The following PRORP variants were observed in gnomAD, a reference collection of about 807,000 sequenced individuals.
The protein encoded by PRORP is protein only RNase P catalytic subunit.
Under a neutral mutation model 59.4 loss-of-function variants are expected in PRORP, and 51 were observed. The ratio of observed to expected loss-of-function variants is 0.86; its 90% CI spans 0.69 to 1.08. PRORP has a LOEUF of 1.08. Ranked by LOEUF, PRORP falls within the 50% of genes least tolerant of loss-of-function variation. The probability of loss-of-function intolerance (pLI) is 0.00; values close to 1 mark genes in which losing one functional copy is unlikely to be tolerated. For synonymous variants in PRORP, 231 were observed against 245.6 expected, an observed-to-expected ratio of 0.94 and a Z score of 0.55; for missense variants, 646 against 690.3, an observed-to-expected ratio of 0.94 and a Z score of 0.72.
rs1555317890 is a variant in PRORP at position 35,123,256 on chromosome 14, A to G, written c.11A>G (p.Tyr4Cys). Residue 4 changes from tyrosine (Y) to cysteine (C), a missense_variant, in exon 2 of 8, where the codon TAT (tyrosine) becomes TGT (cysteine). Physicochemically the swap from Tyr to Cys is radical, Grantham distance 194. Coordinates refer to ENST00000534898, the MANE Select transcript of PRORP (RefSeq NM_014672.4). Reference protein sequence around the residue: MTFYLFGIRSFPKL... With the variant: MTFCLFGIRSFPKL... Reference sequence around the variant, plus strand: ...TGATCTCACTGCATAATGACTTTCTATTTGTTTGGTATTCGAAGCTTTCCG... The same window carrying G: ...TGATCTCACTGCATAATGACTTTCTGTTTGTTTGGTATTCGAAGCTTTCCG... The G allele has an allele frequency of 1.2e-6, 2 of 1,608,436 alleles. No individual in the cohort carries two copies. The highest frequency in any genetic ancestry group is 8.5e-7 in the Non-Finnish European group (1 of 1,177,934).
chr14:35,225,135 G>T (rs1378294311), intron 5 of PRORP, among the ~76,000 whole-genome samples: 1 of 151,816 alleles, frequency 6.6e-6, no homozygotes, highest in East Asian at 1.9e-4. Flanking sequence ...AATCTTTATT[G>T]TTTCAAGAGG....
intron 5 of PRORP, among the ~76,000 whole-genome samples, chr14:35,194,164 T>C (rs985955282): frequency 1.2e-4 from 19 of 152,154 alleles, no homozygotes; most frequent in African/African-American, 4.6e-4. Flanking sequence ...AAAAAGTCCT[T>C]CACTTCCCTT....
chr14:35,260,863 A>G (rs896090834), intron 5 of PRORP, among the ~76,000 whole-genome samples: 1 of 152,176 alleles, frequency 6.6e-6, no homozygotes, highest in Non-Finnish European at 1.5e-5. Flanking sequence ...TGCACTCAAT[A>G]AAGATCCTCC....
At chr14:35,134,395 G>T (rs2047323985) in intron 4 of PRORP, among the ~76,000 whole-genome samples, 1 of 152,114 alleles carries the variant, frequency 6.6e-6, no homozygotes, top group African/African-American at 2.4e-5. Flanking sequence ...CTCTGGCTGA[G>T]GTGGTACCTG....
chr14:35,188,605 G>T (rs2048802666), intron 5 of PRORP, among the ~76,000 whole-genome samples: 2 of 151,666 alleles, frequency 1.3e-5, no homozygotes, highest in South Asian at 4.2e-4. Context: ...ATCCTTTGAG[G>T]CATGGAAGTT....
At position 35,180,285 on chromosome 14, in the gene PRORP, G is replaced by A. The variant is rs1054554166; in HGVS notation, c.1168-385G>A. On this transcript the variant is annotated intron_variant, in intron 4 of 7. Transcript: ENST00000534898. ...ATCACCCATCTTCCGCATCGCTCAC[G>A]CTGGGAGCCGTGGACTGGAGCTGTT... Among the ~76,000 whole-genome samples the A allele has an allele frequency of 2.0e-5, 3 of 152,180 alleles. No individual in the cohort carries two copies. In the South Asian group the frequency reaches 6.2e-4, roughly 31 times the overall value.
chr14:35,145,835 T>TTTATTTA (rs1161295034), intron 4 of PRORP, among the ~76,000 whole-genome samples: 50,103 of 132,980 alleles, frequency 0.38, 13,866 homozygotes, highest in East Asian at 0.47. Context: ...TTATTTATTT[T>TTTATTTA]TTTATTTTTT....
intron 5 of PRORP, among the ~76,000 whole-genome samples, chr14:35,212,086 A>G (rs77078783): frequency 3.6e-4 from 55 of 152,344 alleles, no homozygotes; most frequent in African/African-American, 1.1e-3. Context: ...TTGTTTCTCC[A>G]TAACAAGCAA....
In PRORP at chr14:35,194,698, T is replaced by A. The variant is rs372291864; in HGVS notation, c.1275+13921T>A. Among the ~76,000 whole-genome samples, 792 of 152,182 alleles carry A rather than the reference T, an allele frequency of 5.2e-3. 2 individuals are homozygous for A. Among genetic ancestry groups the A allele is most frequent in the Non-Finnish European group, 8.1e-3 (548 of 68,006 alleles). On this transcript the variant is annotated intron_variant, in intron 5 of 7. Transcript: ENST00000534898. ...AAAGTATAATTAATTAATTTTTTTT[T>A]AAAAAGTCAAAAAGTGCAACCTTCT...
intron 5 of PRORP, among the ~76,000 whole-genome samples, chr14:35,183,509 A>G (rs779250566): frequency 6.6e-6 from 1 of 152,148 alleles, no homozygotes; most frequent in Non-Finnish European, 1.5e-5. Flanking sequence ...TAGACAAATG[A>G]GGCTTTCCAT....
intron 6 of PRORP, among the ~76,000 whole-genome samples, chr14:35,267,519 T>C (rs2051071006): frequency 6.6e-6 from 1 of 152,082 alleles, no homozygotes; most frequent in Admixed American, 6.6e-5. Flanking sequence ...CAGGCCGGGC[T>C]CAGCCTGTAA....
chr14:35,186,691 C>T (rs1430179475), intron 5 of PRORP, among the ~76,000 whole-genome samples: 1 of 151,648 alleles, frequency 6.6e-6, no homozygotes, highest in Non-Finnish European at 1.5e-5. Context: ...CTCCTGGGCT[C>T]AAGTGGTCCT....
intron 5 of PRORP, among the ~76,000 whole-genome samples, chr14:35,240,088 A>AG (rs1402577424): frequency 7.2e-5 from 11 of 151,858 alleles, no homozygotes; most frequent in South Asian, 2.1e-4. Flanking sequence ...AAAAAAAAAA[A>AG]AAGAAGAAGA....
In PRORP at chr14:35,242,911, T is replaced by C. The variant is rs112813919; in HGVS notation, c.1276-23816T>C. On this transcript the variant is annotated intron_variant, in intron 5 of 7. Coordinates refer to ENST00000534898, the MANE Select transcript of PRORP (RefSeq NM_014672.4). ...GCCCTGAGGGAAGTGGAAAATGTCTTTGGAGTGTTATTTCTTTTATCTTAA... is the reference window on the plus strand; with the variant it reads ...GCCCTGAGGGAAGTGGAAAATGTCTCTGGAGTGTTATTTCTTTTATCTTAA... Among the ~76,000 whole-genome samples the C allele has an allele frequency of 9.9e-3, 1,502 of 152,304 alleles. 32 individuals carry two copies. Among genetic ancestry groups the C allele is most frequent in the Non-Finnish European group, 1.0e-2 (679 of 68,030 alleles).
intron 5 of PRORP, among the ~76,000 whole-genome samples, chr14:35,205,230 G>A (rs2049261045): frequency 6.6e-6 from 1 of 152,194 alleles, no homozygotes; most frequent in Non-Finnish European, 1.5e-5. Context: ...TGCACAGGCT[G>A]GAGTACAGTG....
chr14:35,130,573 C>G (rs1283869170), intron 4 of PRORP, among the ~76,000 whole-genome samples: 1 of 151,464 alleles, frequency 6.6e-6, no homozygotes, highest in Non-Finnish European at 1.5e-5. Flanking sequence ...CCTCCGCCCC[C>G]ACTGGGTTCA....
chr14:35,189,334 A>G (rs962875635), intron 5 of PRORP, among the ~76,000 whole-genome samples: 1 of 152,020 alleles, frequency 6.6e-6, no homozygotes, highest in Non-Finnish European at 1.5e-5. Flanking sequence ...CAGCCTCCCA[A>G]AGTGTTGGGA....
chr14:35,271,735 A>G (rs2899832), intron 7 of PRORP, among the ~76,000 whole-genome samples: 38,373 of 152,114 alleles, frequency 0.25, 6,248 homozygotes, highest in African/African-American at 0.46. Context: ...CAATTATCAA[A>G]AAATATTGGC....
intron 5 of PRORP, among the ~76,000 whole-genome samples, chr14:35,256,338 TTTTTTTTTTTTA>T (rs1372539595): frequency 5.2e-5 from 7 of 134,116 alleles, no homozygotes; most frequent in African/African-American, 2.1e-4. Flanking sequence ...TTTTTTTTTT[TTTTTTTTTTTTA>T]AGACAGAGTC....
Sources: gnomAD v4.1 joint callset for allele counts (sites outside exome capture counted in the v4.1 genomes callset) on GRCh38, gnomAD v4.1.1 for gene constraint, MANE v1.5 for transcripts, NCBI Gene and HGNC (gene_info 2026-07-23, HGNC 2026-07-21) for gene names.